The following DFFB variants were observed in gnomAD, a reference collection of about 807,000 sequenced individuals.
DFFB encodes DNA fragmentation factor subunit beta.
DFFB carries 29 observed loss-of-function variants against 32.7 expected under a neutral mutation model. The observed-to-expected ratio is 0.89, with a 90% CI of 0.66 to 1.21. The LOEUF is 1.21. DFFB is among the 50% of genes most tolerant of loss of function. DFFB has a pLI of 0.00. For synonymous variants in DFFB, 170 were observed against 177.1 expected, an observed-to-expected ratio of 0.96 and a Z score of 0.32; for missense variants, 398 against 440.6, an observed-to-expected ratio of 0.90 and a Z score of 0.87.
rs557316626 is a variant in DFFB at position 3,876,855 on chromosome 1, G to A, written c.782+4283G>A. ...CCTTCCCTCTCGGGCTGAAGGGCGC[G>A]GGCCCTGGGGCTCAGCCTGTCCGAG... On this transcript the variant is annotated intron_variant, in intron 6 of 6. Transcript: ENST00000378209. Among the ~76,000 whole-genome samples the A allele has an allele frequency of 1.1e-4, 16 of 152,356 alleles. No homozygotes were observed. In the East Asian group the frequency reaches 1.5e-3, roughly 15 times the overall value.
rs12131573 is a variant in DFFB, at chr1:3,867,142, C to T, written c.431-832C>T. On this transcript the variant is annotated intron_variant, in intron 3 of 6. Transcript: ENST00000378209. Reference sequence around the variant, plus strand: ...CAATCTCCTGACCTCGTGATCCGCCCGCCTCGGCCTCCCAAAGTGCTGGGA... The same window carrying T: ...CAATCTCCTGACCTCGTGATCCGCCTGCCTCGGCCTCCCAAAGTGCTGGGA... Among the ~76,000 whole-genome samples, 1,332 of 152,262 alleles carry T rather than the reference C, an allele frequency of 8.7e-3. 6 individuals are homozygous for T. Among genetic ancestry groups the T allele is most frequent in the Non-Finnish European group, 0.014 (934 of 68,014 alleles).
At chr1:3,859,461 A>G (rs1174394486) in intron 2 of DFFB, among the ~76,000 whole-genome samples, 1 of 152,178 alleles carries the variant, frequency 6.6e-6, no homozygotes, top group African/African-American at 2.4e-5. Flanking sequence ...CTGGGGCAGG[A>G]GATGCCATCA....
Position 3,883,556 on chromosome 1 carries a change from G to A in DFFB, c.832G>A (p.Glu278Lys). The change falls in exon 7 of 7, where the codon GAA becomes AAA. Residue 278 changes from glutamate to lysine, a missense_variant. By Grantham distance (56) the Glu-to-Lys change is moderately conservative. Transcript: ENST00000378209. ...TCCTACACTGGTGGAAGCAATTAAG[G>A]AACAAGATGGAAGAGAAGTGGACTG... ...IIPTLVEAIK[E>K]QDGREVDWEY... 4 of 1,614,166 alleles carry A rather than the reference G, an allele frequency of 2.5e-6. No homozygotes were observed. Among genetic ancestry groups the A allele is most frequent in the Non-Finnish European group, 3.4e-6 (4 of 1,180,034 alleles).
At chr1:3,869,572 A>C in intron 4 of DFFB, 33 bp from the exon 5 acceptor site, 3 of 1,590,898 alleles carry the variant, frequency 1.9e-6, no homozygotes, top group Non-Finnish European at 2.6e-6. Context: ...GGCGCTGTGC[A>C]CCAGGCTCAC....
At chr1:3,860,395 T>A in intron 2 of DFFB, 1 of 419,942 alleles carries the variant, frequency 2.4e-6, no homozygotes, top group Admixed American at 2.4e-5. Context: ...TCTGGCTAAT[T>A]GTTTTGTATT....
At chr1:3,866,575 T>C (rs1217375493) in intron 3 of DFFB, among the ~76,000 whole-genome samples, 3 of 152,166 alleles carry the variant, frequency 2.0e-5, no homozygotes, top group Non-Finnish European at 4.4e-5. Context: ...AAAGTACATA[T>C]GACATAAAAT....
Position 3,883,586 on chromosome 1 carries a change from T to G in DFFB, c.862T>G (p.Tyr288Asp), listed in dbSNP as rs772425721. Residue 288 changes from tyrosine to aspartate, a missense_variant, in exon 7 of 7, where the codon TAT becomes GAT. Tyr to Asp is a radical substitution (Grantham distance 160, BLOSUM62 -3). Transcript: ENST00000378209. The stretch of plus-strand genomic sequence containing the variant: ...AGATGGAAGAGAAGTGGACTGGGAG[T>G]ATTTTTATGGCCTGCTTTTTACCTC... Reference protein sequence around the residue: ...EQDGREVDWEYFYGLLFTSEN... With the variant: ...EQDGREVDWEDFYGLLFTSEN... 4.3e-6 allele frequency: 7 copies of G among 1,613,822 alleles called. No individual in the cohort carries two copies. The highest frequency in any genetic ancestry group is 2.2e-5 in the East Asian group (1 of 44,880).
chr1:3,876,303 A>G lies in DFFB; in HGVS notation c.782+3731A>G, dbSNP rs572073126. ...TGGGGACATCAATCTAGGGGACACA[A>G]TCAGCATTTACAGAATGAAATAGGC... On this transcript the variant is annotated intron_variant, in intron 6 of 6. Transcript: ENST00000378209. 2.0e-5 allele frequency among the ~76,000 whole-genome samples: 3 copies of G among 152,318 alleles called. No homozygotes were observed. The East Asian group carries it at 5.8e-4, about 29-fold the overall frequency.
At chr1:3,882,186 G>T (rs1484944106) in intron 6 of DFFB, among the ~76,000 whole-genome samples, 2 of 151,982 alleles carry the variant, frequency 1.3e-5, no homozygotes, top group African/African-American at 4.8e-5. Flanking sequence ...AGTAGTAGCT[G>T]GGATTACAGG....
At chr1:3,864,956 A>T (rs1299591969) in intron 2 of DFFB, among the ~76,000 whole-genome samples, 1 of 151,638 alleles carries the variant, frequency 6.6e-6, no homozygotes, top group Non-Finnish European at 1.5e-5. Context: ...CTATTTTTTT[A>T]CTGTTGAGTT....
chr1:3,877,505 C>T (rs543401457), intron 6 of DFFB, among the ~76,000 whole-genome samples: 55 of 151,284 alleles, frequency 3.6e-4, no homozygotes, highest in African/African-American at 1.2e-3. Context: ...AATTTTTGTA[C>T]TTTTGGTAGA....
chr1:3,866,671 C>T (rs913373553), intron 3 of DFFB, among the ~76,000 whole-genome samples: 6 of 152,160 alleles, frequency 3.9e-5, no homozygotes, highest in Non-Finnish European at 5.9e-5. Flanking sequence ...CCGTCATCTC[C>T]GGAACTCCTT....
intron 4 of DFFB, among the ~76,000 whole-genome samples, chr1:3,868,658 GGCCACACCACACCACACCAC>G (rs1557716175): frequency 0.021 from 106 of 5,082 alleles, 13 homozygotes; most frequent in African/African-American, 0.025. Flanking sequence ...CACCACACCA[GGCCACACCACACCACACCAC>G]GCCACACCAC....
At position 3,883,655 on chromosome 1, in the gene DFFB, A is replaced by T. The variant is rs995102071; in HGVS notation, c.931A>T (p.Thr311Ser). The T allele has an allele frequency of 6.2e-7, 1 of 1,614,130 alleles. No homozygotes were observed. The highest frequency in any genetic ancestry group is 2.2e-5 in the East Asian group (1 of 44,874). Residue 311 changes from threonine (T) to serine (S), a missense_variant, in exon 7 of 7, where the codon ACC becomes TCC. Coordinates refer to ENST00000378209, the MANE Select transcript of DFFB (RefSeq NM_004402.4). ...GCACATTGTCTGCCATAAGAAAACC[A>T]CCCACAAGCTCAACTGTGACCCAAG... The part of the protein sequence containing the change: ...LVHIVCHKKT[T>S]HKLNCDPSRI...
At chr1:3,878,786 T>C (rs1645278028) in intron 6 of DFFB, among the ~76,000 whole-genome samples, 1 of 152,240 alleles carries the variant, frequency 6.6e-6, no homozygotes, top group Non-Finnish European at 1.5e-5. Flanking sequence ...GGTGTGGTTT[T>C]ATGGCCAACA....
At position 3,866,005 on chromosome 1, in the gene DFFB, G is replaced by T. The variant is rs764649530; in HGVS notation, c.430+5G>T. On this transcript the variant is annotated splice_donor_5th_base_variant and intron_variant, in intron 3 of 6. Coordinates refer to ENST00000378209, the MANE Select transcript of DFFB (RefSeq NM_004402.4). ...AGGACCCGCCGTGGTTTGAAGGTGC[G>T]TGGGGGCTGCAGCTGGCAGGGGAGA... 2 of 1,547,962 alleles carry T rather than the reference G, an allele frequency of 1.3e-6. No individual in the cohort carries two copies. The highest frequency in any genetic ancestry group is 1.7e-6 in the Non-Finnish European group (2 of 1,147,116).
rs539956076 is a variant in DFFB, at chr1:3,869,141, C to A, written c.511-464C>A. On this transcript the variant is annotated intron_variant, in intron 4 of 6. Transcript: ENST00000378209. ...GTGGTGCAATCTCAGCTCACTGCAA[C>A]CTCTGCCTTCCAGGTTCAAGTAATC... Among the ~76,000 whole-genome samples the A allele has an allele frequency of 1.3e-3, 195 of 152,344 alleles. 1 individual carries two copies. The highest frequency in any genetic ancestry group is 4.6e-3 in the African/African-American group (190 of 41,570).
chr1:3,883,571 G>T lies in DFFB; in HGVS notation c.847G>T (p.Glu283Ter). 5 of 1,614,234 alleles carry T rather than the reference G, an allele frequency of 3.1e-6. No individual in the cohort carries two copies. Among genetic ancestry groups the T allele is most frequent in the Non-Finnish European group, 4.2e-6 (5 of 1,180,046 alleles). ...AGCAATTAAGGAACAAGATGGAAGAGAAGTGGACTGGGAGTATTTTTATGG... is the reference window on the plus strand; with the variant it reads ...AGCAATTAAGGAACAAGATGGAAGATAAGTGGACTGGGAGTATTTTTATGG... Reference protein sequence around the residue: ...VEAIKEQDGREVDWEYFYGLL... With the variant: ...VEAIKEQDGR The change falls in exon 7 of 7, where the codon GAA becomes TAA. Residue 283 changes from glutamate to a stop codon, truncating the protein, a stop_gained. Coordinates refer to ENST00000378209, the MANE Select transcript of DFFB (RefSeq NM_004402.4). LOFTEE classifies it low-confidence loss of function (END_TRUNC).
At chr1:3,872,886 C>G (rs1645148703) in intron 6 of DFFB, 1 of 1,226,364 alleles carries the variant, frequency 8.2e-7, no homozygotes. Flanking sequence ...CCCCAGAACA[C>G]AGGTCCCAGC....
Sources: gnomAD v4.1 joint callset for allele counts (sites outside exome capture counted in the v4.1 genomes callset) on GRCh38, gnomAD v4.1.1 for gene constraint, MANE v1.5 for transcripts, NCBI Gene and HGNC (gene_info 2026-07-23, HGNC 2026-07-21) for gene names.